Variants in ARLN observed in about 807,000 individuals in gnomAD.
ARLN encodes sarcoplasmic/endoplasmic reticulum calcium ATPase regulator ARLN.
At chr4:119,299,461 C>G in the ARLN span, among the ~76,000 whole-genome samples, 1 of 152,178 alleles carries the variant, frequency 6.6e-6, no homozygotes, top group African/African-American at 2.4e-5. Flanking sequence ...TCCAGGAGAG[C>G]TGTCTAGATG....
At chr4:119,300,788 C>A in the ARLN span, 3 of 1,451,200 alleles carry the variant, frequency 2.1e-6, no homozygotes, top group Non-Finnish European at 2.7e-6. Flanking sequence ...CCGCCTACTT[C>A]TGCCTCGCGG....
chr4:119,304,138 G>T, the ARLN span: 1 of 733,296 alleles, frequency 1.4e-6, no homozygotes, highest in Non-Finnish European at 2.2e-6. Context: ...TTTCTCACCT[G>T]TCCAAATCCT....
the ARLN span, chr4:119,301,057 A>G: frequency 8.6e-6 from 3 of 347,114 alleles, no homozygotes; most frequent in Non-Finnish European, 1.6e-5. Flanking sequence ...CACGGGACTG[A>G]GTTTCCAAAC....
At chr4:119,296,971 T>G in the ARLN span, 1 of 152,236 alleles carries the variant, frequency 6.6e-6, no homozygotes, top group African/African-American at 2.4e-5. Context: ...GTGTGTGACC[T>G]AACAGTAAAC....
At chr4:119,300,615 ACTGAGCGGAGT>A in the ARLN span, 1 of 1,603,306 alleles carries the variant, frequency 6.2e-7, no homozygotes, top group Non-Finnish European at 8.5e-7. Context: ...CGCACCGGAA[ACTGAGCGGAGT>A]CCGGCCGCCT....
chr4:119,302,624 G>A, the ARLN span, among the ~76,000 whole-genome samples: 2 of 152,138 alleles, frequency 1.3e-5, no homozygotes, highest in African/African-American at 4.8e-5. Context: ...GCAATACCTC[G>A]GCACTTGTCC....
the ARLN span, among the ~76,000 whole-genome samples, chr4:119,301,170 G>A: frequency 6.7e-6 from 1 of 149,742 alleles, no homozygotes; most frequent in South Asian, 2.1e-4. Context: ...TTGAGAGGCC[G>A]AGGCGGGCGG....
At chr4:119,297,342 G>A in the ARLN span, 1 of 152,024 alleles carries the variant, frequency 6.6e-6, no homozygotes, top group African/African-American at 2.4e-5. Flanking sequence ...TTAAAAGGCG[G>A]GGGAGTATCC....
At chr4:119,296,797 A>C in the ARLN span, 1 of 152,240 alleles carries the variant, frequency 6.6e-6, no homozygotes, top group Non-Finnish European at 1.5e-5. Context: ...ACAAACCCAG[A>C]AATCTGGGCA....
At chr4:119,301,380 T>C in the ARLN span, among the ~76,000 whole-genome samples, 1 of 151,494 alleles carries the variant, frequency 6.6e-6, no homozygotes, top group African/African-American at 2.4e-5. Context: ...GCTGAGATCG[T>C]GCCACTATTG....
chr4:119,304,237 TA>T, the ARLN span: 1 of 1,521,306 alleles, frequency 6.6e-7, no homozygotes. Flanking sequence ...TTGGTATTTC[TA>T]ACATACCAAT....
the ARLN span, among the ~76,000 whole-genome samples, chr4:119,299,628 G>A: frequency 2.0e-5 from 3 of 152,258 alleles, no homozygotes; most frequent in South Asian, 2.1e-4. Flanking sequence ...TTTTCAGAGC[G>A]AGTGGCGATG....
At chr4:119,303,681 C>T in the ARLN span, among the ~76,000 whole-genome samples, 30 of 152,154 alleles carry the variant, frequency 2.0e-4, no homozygotes, top group African/African-American at 6.3e-4. Context: ...CCTAGGTGTT[C>T]GAGACAAGCC....
the ARLN span, chr4:119,297,338 G>A: frequency 6.6e-6 from 1 of 152,256 alleles, no homozygotes. Flanking sequence ...CTGTTTAAAA[G>A]GCGGGGGAGT....
the ARLN span, among the ~76,000 whole-genome samples, chr4:119,299,149 C>T: frequency 2.0e-5 from 3 of 152,210 alleles, no homozygotes; most frequent in African/African-American, 4.8e-5. Flanking sequence ...TATAGTGGCA[C>T]GTTCACAGCT....
the ARLN span, chr4:119,298,364 T>A: frequency 6.5e-6 from 1 of 154,812 alleles, no homozygotes; most frequent in African/African-American, 2.4e-5. Flanking sequence ...TTTGAATAAT[T>A]GACTTTTGAA....
At chr4:119,300,484 GC>G in the ARLN span, 1 of 1,614,032 alleles carries the variant, frequency 6.2e-7, no homozygotes, top group Non-Finnish European at 8.5e-7. Flanking sequence ...CTAAAGCCTC[GC>G]CGCTCCCGGA....
chr4:119,300,353 A>C, the ARLN span: 10 of 1,609,860 alleles, frequency 6.2e-6, no homozygotes, highest in Non-Finnish European at 3.4e-6. Context: ...AAAAATACAC[A>C]AAGAGAAACA....
the ARLN span, chr4:119,300,757 C>T: frequency 6.7e-7 from 1 of 1,492,522 alleles, no homozygotes; most frequent in East Asian, 2.5e-5. Flanking sequence ...CGGCCTCCGC[C>T]TTGACACTAA....
Sources: allele counts gnomAD v4.1 joint callset (sites outside exome capture counted in the v4.1 genomes callset), GRCh38; gene constraint gnomAD v4.1.1; transcripts MANE v1.5; gene names NCBI Gene and HGNC (gene_info 2026-07-23, HGNC 2026-07-21).